The following ETV1 variants were observed in gnomAD, a reference collection of about 807,000 sequenced individuals.
The protein encoded by ETV1 is ETS variant transcription factor 1, also known as ETS translocation variant 1.
ETV1 carries 27 observed loss-of-function variants against 62.3 expected under a neutral mutation model. The ratio of observed to expected loss-of-function variants is 0.43; its 90% CI spans 0.32 to 0.60. The LOEUF is 0.60. Among genes scored for constraint, ETV1 ranks in the 20% least tolerant of loss-of-function variants. ETV1 has a pLI of 0.06. For synonymous variants in ETV1, 222 were observed against 199.6 expected, an observed-to-expected ratio of 1.11 and a Z score of -0.94; for missense variants, 605 against 605.8, an observed-to-expected ratio of 1.00 and a Z score of 0.01.
chr7:13,895,794 G>C lies in ETV1; in HGVS notation c.*72C>G. ...ATACAAACAACAGAAATAAAACAAA[G>C]ATTCAGCAATTCTCTGTATCTTGCA... On this transcript the variant is annotated 3_prime_UTR_variant, in exon 14 of 14. Coordinates refer to ENST00000430479, the MANE Select transcript of ETV1 (RefSeq NM_004956.5). The C allele has an allele frequency of 1.0e-6, 1 of 960,400 alleles. No individual in the cohort carries two copies. Among genetic ancestry groups the C allele is most frequent in the Non-Finnish European group, 1.6e-6 (1 of 624,944 alleles). The allele number at this position is 960,400 out of a possible 1,614,324, so 59.5% of individuals were successfully genotyped here.
At chr7:13,952,093 A>G (rs1788888328) in intron 6 of ETV1, among the ~76,000 whole-genome samples, 1 of 152,232 alleles carries the variant, frequency 6.6e-6, no homozygotes. Flanking sequence ...AGTTAGGACA[A>G]GGTATCCCGA....
At position 13,983,621 on chromosome 7, in the gene ETV1, C is replaced by CTT. The variant is rs34955846; in HGVS notation, c.181+3015_181+3016dup. Among the ~76,000 whole-genome samples, 301 of 144,836 alleles carry CTT rather than the reference C, an allele frequency of 2.1e-3. 3 individuals carry two copies. The highest frequency in any genetic ancestry group is 3.6e-3 in the Middle Eastern group (1 of 280). On this transcript the variant is annotated intron_variant, in intron 5 of 13. Transcript: ENST00000430479. Reference sequence around the variant, plus strand: ...ATTTTAAAATTGGCATATTCCCTGACTTTTTTTTTTTTTAACTACTGTGGT... The same window carrying CTT: ...ATTTTAAAATTGGCATATTCCCTGACTTTTTTTTTTTTTTTAACTACTGTGGT...
upstream of ETV1, chr7:13,990,748 C>G (rs1183067970): frequency 6.6e-6 from 1 of 152,218 alleles, no homozygotes; most frequent in Non-Finnish European, 1.5e-5. Flanking sequence ...GAGCCAGTGT[C>G]CAACAGCGGA....
intron 13 of ETV1, among the ~76,000 whole-genome samples, chr7:13,898,774 G>T: frequency 6.6e-6 from 1 of 152,002 alleles, no homozygotes; most frequent in East Asian, 1.9e-4. Flanking sequence ...TTTAAAAAAG[G>T]ACAGCATAGT....
Position 13,988,106 on chromosome 7 carries a change from T to G in ETV1, c.113A>C (p.Asp38Ala). The G allele has an allele frequency of 6.2e-7, 1 of 1,611,824 alleles. No homozygotes were observed. The highest frequency in any genetic ancestry group is 8.5e-7 in the Non-Finnish European group (1 of 1,177,970). ...CTCACCTTCTGAATCATGAGCCAGATCTCTGTTAATGAATTTTCTTTTCCT... is the reference window on the plus strand; with the variant it reads ...CTCACCTTCTGAATCATGAGCCAGAGCTCTGTTAATGAATTTTCTTTTCCT... ...NVRKRKFINR[D>A]LAHDSEELFQ... The change falls in exon 4 of 14, where the codon GAT becomes GCT. Residue 38 changes from aspartate (D) to alanine (A), a missense_variant. Asp to Ala is a moderately radical substitution (Grantham distance 126). This residue lies in a region of ETV1 where 426 missense variants were observed against 377.8 expected (regional missense o/e 1.13). Coordinates refer to ENST00000430479, the MANE Select transcript of ETV1 (RefSeq NM_004956.5).
At chr7:13,911,150 A>G (rs2128420172) in intron 10 of ETV1, 89 bp downstream of exon 10, 1 of 873,854 alleles carries the variant, frequency 1.1e-6, no homozygotes, top group Non-Finnish European at 1.9e-6. Flanking sequence ...TTCCCAAATA[A>G]TATAATGATT....
At chr7:13,977,705 G>A (rs962850166) in intron 5 of ETV1, among the ~76,000 whole-genome samples, 12 of 152,086 alleles carry the variant, frequency 7.9e-5, no homozygotes, top group African/African-American at 2.9e-4. Context: ...TCAGAAATAG[G>A]ATGATGGCAG....
intron 10 of ETV1, among the ~76,000 whole-genome samples, chr7:13,910,228 C>CTTTTTTT (rs58867942): frequency 2.5e-5 from 3 of 120,246 alleles, no homozygotes; most frequent in Non-Finnish European, 3.3e-5. Context: ...AAAAGTTTCC[C>CTTTTTTT]TTTTTTTTTT....
chr7:13,970,851 A>G (rs908615494), intron 6 of ETV1, among the ~76,000 whole-genome samples: 1 of 152,116 alleles, frequency 6.6e-6, no homozygotes, highest in Non-Finnish European at 1.5e-5. Context: ...CAGGGTCTAC[A>G]CAGACCTGAC....
rs1235404016 is a variant in ETV1, at chr7:13,900,775, G to T, written c.1175C>A (p.Ser392Ter). The T allele has an allele frequency of 6.2e-7, 1 of 1,611,522 alleles. No homozygotes were observed. Among genetic ancestry groups the T allele is most frequent in the South Asian group, 1.1e-5 (1 of 90,316 alleles). ...TCCTTTCTCATAGTAATAGCGGAGT[G>T]AACGGCTAAGTTTATCATAGTTCAT... ...PAMNYDKLSRSLRYYYEKGIM... is the reference protein window; with the variant it reads ...PAMNYDKLSR Residue 392 changes from serine (S) to a stop codon, truncating the protein, a stop_gained, in exon 13 of 14, where the codon TCA becomes TAA. Coordinates refer to ENST00000430479, the MANE Select transcript of ETV1 (RefSeq NM_004956.5). LOFTEE classifies it high-confidence loss of function.
Position 13,989,169 on chromosome 7 carries a change from T to TAAAAAA in ETV1, c.-87-36_-87-31dup, listed in dbSNP as rs10622991. 8.5e-6 allele frequency: 6 copies of TAAAAAA among 702,290 alleles called. No individual in the cohort carries two copies. The Admixed American group carries it at 9.1e-5, about 11-fold the overall frequency. The allele number at this position is 702,290 out of a possible 1,614,324, so 43.5% of individuals were successfully genotyped here. A position where few individuals can be genotyped will look rare whatever the true frequency, so the allele number is the denominator to read the frequency against. Reference sequence around the variant, plus strand: ...AGGGGAACAAGATGGCTTTTAGGCTTAAAAAAAAATCATGAATGAAGCTCT... The same window carrying TAAAAAA: ...AGGGGAACAAGATGGCTTTTAGGCTTAAAAAAAAAAAAAAATCATGAATGAAGCTCT... On this transcript the variant is annotated intron_variant, in intron 2 of 13. Transcript: ENST00000430479.
At chr7:13,898,188 C>T (rs145173384) in intron 13 of ETV1, among the ~76,000 whole-genome samples, 292 of 152,248 alleles carry the variant, frequency 1.9e-3, no homozygotes, top group African/African-American at 6.4e-3. Flanking sequence ...GAAGTACTAA[C>T]GTGCAAAATG....
intron 5 of ETV1, chr7:13,986,399 GC>G: frequency 6.7e-7 from 1 of 1,485,126 alleles, no homozygotes; most frequent in South Asian, 1.4e-5. Flanking sequence ...CTTGCCAAAA[GC>G]AGATGTGATT....
chr7:13,937,293 C>T (rs1353382833), intron 7 of ETV1, among the ~76,000 whole-genome samples: 2 of 152,160 alleles, frequency 1.3e-5, no homozygotes, highest in Non-Finnish European at 2.9e-5. Flanking sequence ...CACCTATGTT[C>T]TTTACCAGTA....
At chr7:13,989,221 G>A (rs1782840111) in intron 2 of ETV1, 47 bp downstream of exon 2, 6 of 586,694 alleles carry the variant, frequency 1.0e-5, no homozygotes, top group Non-Finnish European at 1.5e-5. Context: ...ATTACCCTCC[G>A]ACAGTCCCAT....
At chr7:13,916,552 C>T (rs150429059) in intron 9 of ETV1, among the ~76,000 whole-genome samples, 1,637 of 152,144 alleles carry the variant, frequency 0.011, 29 homozygotes, top group African/African-American at 0.035. Context: ...GCAGGAGAAT[C>T]GCTTGAACCC....
chr7:13,959,927 CTTT>C (rs564270930), intron 6 of ETV1, among the ~76,000 whole-genome samples: 2 of 138,038 alleles, frequency 1.4e-5, no homozygotes, highest in South Asian at 4.6e-4. Flanking sequence ...TCTCTGGAAC[CTTT>C]TTTTTTTTAA....
chr7:13,986,774 A>G, intron 4 of ETV1, 89 bp from the exon 5 acceptor site: 1 of 988,664 alleles, frequency 1.0e-6, no homozygotes, highest in Non-Finnish European at 1.5e-6. Context: ...TTGGTATTAA[A>G]TATAAATTTA....
At position 13,956,079 on chromosome 7, in the gene ETV1, C is replaced by A. The variant is rs1384322969; in HGVS notation, c.236-16833G>T. On this transcript the variant is annotated intron_variant, in intron 6 of 13. Coordinates refer to ENST00000430479, the MANE Select transcript of ETV1 (RefSeq NM_004956.5). ...AGTTTATATTAAGTCATATTTATAC[C>A]AAATTACAATTACATTTGACTTAGT... Among the ~76,000 whole-genome samples, 2 of 151,938 alleles carry A rather than the reference C, an allele frequency of 1.3e-5. 1 individual carries two copies. The highest frequency in any genetic ancestry group is 3.9e-4 in the East Asian group (2 of 5,192).
Sources: allele counts gnomAD v4.1 joint callset (sites outside exome capture counted in the v4.1 genomes callset), GRCh38; gene constraint gnomAD v4.1.1; regional missense constraint gnomAD v4.1.1; transcripts MANE v1.5; gene names NCBI Gene and HGNC (gene_info 2026-07-23, HGNC 2026-07-21).